Variants in KCNK2 observed in about 807,000 individuals in gnomAD.
KCNK2 encodes potassium channel subfamily K member 2.
KCNK2 carries 21 observed loss-of-function variants against 40.5 expected under a neutral mutation model. That is an observed-to-expected ratio of 0.52 (90% confidence interval 0.37 to 0.75). The LOEUF (loss-of-function observed/expected upper bound fraction) is 0.75. Among genes scored for constraint, KCNK2 ranks in the 30% least tolerant of loss-of-function variants. KCNK2 has a pLI of 0.00. For missense variants in KCNK2, 399 were observed against 531.6 expected, an observed-to-expected ratio of 0.75 and a Z score of 2.45; for synonymous variants, 191 against 202.2, an observed-to-expected ratio of 0.94 and a Z score of 0.47.
intron 5 of KCNK2, among the ~76,000 whole-genome samples, chr1:215,194,033 ATACCCCATTGAG>A (rs1202065068): frequency 6.6e-6 from 1 of 152,108 alleles, no homozygotes; most frequent in East Asian, 1.9e-4. Flanking sequence ...ATCATGCAAT[ATACCCCATTGAG>A]GTTAACTGTC....
At chr1:215,150,209 C>T (rs1662624457) in intron 3 of KCNK2, among the ~76,000 whole-genome samples, 2 of 151,988 alleles carry the variant, frequency 1.3e-5, no homozygotes, top group Non-Finnish European at 2.9e-5. Context: ...TAGGCATGAG[C>T]CAGGTAAGAG....
rs1399974380 is a variant in KCNK2 at position 215,230,521 on chromosome 1, ATATATATATATG to A, written c.964-4296_964-4285del. ...CACACACGGCTGTATATATATATAT[ATATATATATATG>A]TATATATATACACACACATAACAGC... On this transcript the variant is annotated intron_variant, in intron 6 of 6. Coordinates refer to ENST00000444842, the MANE Select transcript of KCNK2 (RefSeq NM_001017425.3). 8.6e-4 allele frequency among the ~76,000 whole-genome samples: 80 copies of A among 92,536 alleles called. 3 individuals carry two copies. The highest frequency in any genetic ancestry group is 5.3e-3 in the Middle Eastern group (1 of 188). The allele number at this position is 92,536 out of a possible 152,430, so 60.7% of individuals were successfully genotyped here.
chr1:215,068,589 AATTT>A (rs1658639528), intron 1 of KCNK2, among the ~76,000 whole-genome samples: 1 of 152,150 alleles, frequency 6.6e-6, no homozygotes, highest in African/African-American at 2.4e-5. Flanking sequence ...ACAAAAATAT[AATTT>A]ATTCTATTAA....
chr1:215,160,428 A>G (rs1345449762), intron 3 of KCNK2, among the ~76,000 whole-genome samples: 2 of 152,180 alleles, frequency 1.3e-5, no homozygotes, highest in Non-Finnish European at 2.9e-5. Flanking sequence ...TATTTTGAAA[A>G]TAAAAGGTGA....
intron 3 of KCNK2, among the ~76,000 whole-genome samples, chr1:215,127,916 GTTTGTCTA>G (rs1318613900): frequency 1.2e-5 from 1 of 82,132 alleles, no homozygotes; most frequent in African/African-American, 3.0e-5. Flanking sequence ...TTGCCAGTTT[GTTTGTCTA>G]TTTATTAATT....
chr1:215,011,611 A>AGAGGAATGCAC (rs1457909853), intron 1 of KCNK2, among the ~76,000 whole-genome samples: 2 of 126,918 alleles, frequency 1.6e-5, no homozygotes, highest in Middle Eastern at 6.5e-3. Flanking sequence ...ATTTTTTTTT[A>AGAGGAATGCAC]TTTTTATTTT....
intron 6 of KCNK2, among the ~76,000 whole-genome samples, chr1:215,202,747 A>G (rs1665132503): frequency 6.6e-6 from 1 of 152,218 alleles, no homozygotes; most frequent in South Asian, 2.1e-4. Flanking sequence ...TAAAATGCAC[A>G]GCTGTCAAAT....
At chr1:215,157,216 C>T (rs1159913989) in intron 3 of KCNK2, among the ~76,000 whole-genome samples, 1 of 152,156 alleles carries the variant, frequency 6.6e-6, no homozygotes, top group Non-Finnish European at 1.5e-5. Flanking sequence ...TTTCTCTAGC[C>T]ACCATTATAC....
At chr1:215,035,633 CA>C (rs1657358658) in intron 1 of KCNK2, among the ~76,000 whole-genome samples, 2 of 151,958 alleles carry the variant, frequency 1.3e-5, no homozygotes, top group Admixed American at 1.3e-4. Flanking sequence ...TTTGTTTATG[CA>C]TTCACCTGTT....
chr1:215,087,685 G>A (rs974262395), intron 2 of KCNK2, among the ~76,000 whole-genome samples: 9 of 152,204 alleles, frequency 5.9e-5, no homozygotes, highest in Admixed American at 2.0e-4. Flanking sequence ...GTCATCATCT[G>A]AGCATGTTCT....
chr1:215,143,223 G>A (rs1048280342), intron 3 of KCNK2, among the ~76,000 whole-genome samples: 2 of 152,086 alleles, frequency 1.3e-5, no homozygotes, highest in African/African-American at 4.8e-5. Context: ...GTGTGTCTGT[G>A]TAAGTGTATC....
At chr1:215,178,058 G>T (rs2102645581) in intron 5 of KCNK2, among the ~76,000 whole-genome samples, 1 of 151,998 alleles carries the variant, frequency 6.6e-6, no homozygotes, top group East Asian at 1.9e-4. Flanking sequence ...TCTTTAAACA[G>T]TGTTGTGTAG....
At chr1:215,098,554 C>A (rs1660077917) in intron 2 of KCNK2, among the ~76,000 whole-genome samples, 2 of 151,922 alleles carry the variant, frequency 1.3e-5, no homozygotes, top group Admixed American at 1.3e-4. Context: ...TATTTCCAGA[C>A]TTTGATATTT....
chr1:215,092,943 G>T (rs925128455), intron 2 of KCNK2, among the ~76,000 whole-genome samples: 5 of 152,132 alleles, frequency 3.3e-5, no homozygotes, highest in Non-Finnish European at 7.4e-5. Context: ...CTGATTTCAG[G>T]TCAGCACAGC....
At chr1:215,099,363 CA>C (rs1660115556) in intron 2 of KCNK2, among the ~76,000 whole-genome samples, 2 of 151,910 alleles carry the variant, frequency 1.3e-5, no homozygotes, top group Admixed American at 1.3e-4. Flanking sequence ...TTTATGGCTG[CA>C]TGGTATTCAT....
At chr1:215,088,047 C>T (rs1342801490) in intron 2 of KCNK2, among the ~76,000 whole-genome samples, 3 of 151,952 alleles carry the variant, frequency 2.0e-5, no homozygotes, top group African/African-American at 7.3e-5. Context: ...TGATGGTGAC[C>T]TTTTTAGTAT....
At chr1:215,120,150 T>C (rs1277890897) in intron 2 of KCNK2, among the ~76,000 whole-genome samples, 1 of 152,170 alleles carries the variant, frequency 6.6e-6, no homozygotes, top group East Asian at 1.9e-4. Context: ...GACACTACTG[T>C]TTCTGATTAT....
chr1:215,163,890 T>A (rs939611831), intron 3 of KCNK2, among the ~76,000 whole-genome samples: 1 of 152,142 alleles, frequency 6.6e-6, no homozygotes, highest in Admixed American at 6.6e-5. Context: ...TTTGGCGTTG[T>A]TGTGTCTCTG....
At chr1:215,143,834 G>C (rs1390902474) in intron 3 of KCNK2, among the ~76,000 whole-genome samples, 1 of 152,112 alleles carries the variant, frequency 6.6e-6, no homozygotes, top group Admixed American at 6.6e-5. Context: ...TAATGGTTTA[G>C]GGACTTAGTT....
Sources: allele counts gnomAD v4.1 joint callset (sites outside exome capture counted in the v4.1 genomes callset), GRCh38; gene constraint gnomAD v4.1.1; transcripts MANE v1.5; gene names NCBI Gene and HGNC (gene_info 2026-07-23, HGNC 2026-07-21).